The following HS3ST1 variants were observed in gnomAD, a reference collection of about 807,000 sequenced individuals.
HS3ST1 encodes heparan sulfate glucosamine 3-O-sulfotransferase 1.
Under a neutral mutation model 20.7 loss-of-function variants are expected in HS3ST1, and 8 were observed. The observed-to-expected ratio is 0.39, with a 90% CI of 0.23 to 0.70. HS3ST1 has a LOEUF of 0.70. HS3ST1 is among the 30% of genes least tolerant of loss of function. The probability of loss-of-function intolerance (pLI) is 0.46; values close to 1 mark genes in which losing one functional copy is unlikely to be tolerated. For missense variants in HS3ST1, 436 were observed against 423.4 expected (o/e 1.03, Z -0.26); for synonymous variants, 205 against 190.4 (o/e 1.08, Z -0.63).
chr4:11,402,399 G>T (rs1193853837), intron 1 of HS3ST1, among the ~76,000 whole-genome samples: 2 of 152,140 alleles, frequency 1.3e-5, no homozygotes, highest in Non-Finnish European at 2.9e-5. Context: ...AATTTAACAG[G>T]CCAATTTTTT....
chr4:11,402,261 C>T (rs575596889), intron 1 of HS3ST1, among the ~76,000 whole-genome samples: 1 of 152,262 alleles, frequency 6.6e-6, no homozygotes, highest in Non-Finnish European at 1.5e-5. Flanking sequence ...TTTTAGAGAA[C>T]CACAGTGCAC....
chr4:11,397,408 G>C lies in HS3ST1; in HGVS notation c.*1674C>G, dbSNP rs1718172182. The C allele has an allele frequency of 6.6e-6, 1 of 152,300 alleles. No individual in the cohort carries two copies. The highest frequency in any genetic ancestry group is 1.5e-5 in the Non-Finnish European group (1 of 68,134). 9.4% of individuals were successfully genotyped at this position (152,300 alleles called of 1,614,324 possible). On this transcript the variant is annotated 3_prime_UTR_variant, in exon 2 of 2. Coordinates refer to ENST00000002596, the MANE Select transcript of HS3ST1 (RefSeq NM_005114.4). ...GATAACACTGCTGAGAAAAATGCAG[G>C]CTTCTTCTTGCCCTTCCTGTATCTG...
Position 11,415,764 on chromosome 4 carries a change from G to T in HS3ST1, c.-109+12935C>A, listed in dbSNP as rs16881540. On this transcript the variant is annotated intron_variant, in intron 1 of 1. Coordinates refer to ENST00000002596, the MANE Select transcript of HS3ST1 (RefSeq NM_005114.4). ...TCATAAGATAATTAGCCTTTGTGCT[G>T]CCTTTAGCAGAGAACCTTAAGAACT... is the stretch of plus-strand genomic sequence containing the variant. 8.9e-3 allele frequency among the ~76,000 whole-genome samples: 1,357 copies of T among 152,316 alleles called. 19 individuals are homozygous for T. Among genetic ancestry groups the T allele is most frequent in the African/African-American group, 0.031 (1,309 of 41,562 alleles).
Position 11,399,783 on chromosome 4 carries a change from T to C in HS3ST1, c.223A>G (p.Ser75Gly), listed in dbSNP as rs1718267415. 1.9e-6 allele frequency: 3 copies of C among 1,613,470 alleles called. No homozygotes were observed. In the African/African-American group the frequency reaches 4.0e-5, roughly 22 times the overall value. Residue 75 changes from serine to glycine, a missense_variant, in exon 2 of 2, where the codon AGC becomes GGC. Ser to Gly is a moderately conservative substitution (Grantham distance 56). Coordinates refer to ENST00000002596, the MANE Select transcript of HS3ST1 (RefSeq NM_005114.4). The surrounding 1 kb of genome is among the most constrained non-coding windows in gnomAD (Gnocchi z 5.1). ...GCGGCCGCCACGTCGGGGTGCAGGC[T>C]GAGCATCTCCAGCAGTGCGCGCGTG... ...GGTRALLEMLSLHPDVAAAEN... is the reference protein window; with the variant it reads ...GGTRALLEMLGLHPDVAAAEN...
At chr4:11,409,442 C>T (rs1307542475) in intron 1 of HS3ST1, among the ~76,000 whole-genome samples, 1 of 150,058 alleles carries the variant, frequency 6.7e-6, no homozygotes, top group Non-Finnish European at 1.5e-5. Flanking sequence ...AAGGGTGGGG[C>T]TCCATTCTGA....
In HS3ST1 at chr4:11,427,202, C is replaced by T. The variant is rs998894134; in HGVS notation, c.-109+1497G>A. Among the ~76,000 whole-genome samples, 29 of 152,232 alleles carry T rather than the reference C, an allele frequency of 1.9e-4. 1 individual carries two copies. Among genetic ancestry groups the T allele is most frequent in the Admixed American group, 1.6e-3 (25 of 15,270 alleles). On this transcript the variant is annotated intron_variant, in intron 1 of 1. Transcript: ENST00000002596. ...GATTTGCCTGCAAAGCGAGAACGCACGGGTGGGAATGAAGGATCCTGCCTG... is the reference window on the plus strand; with the variant it reads ...GATTTGCCTGCAAAGCGAGAACGCATGGGTGGGAATGAAGGATCCTGCCTG...
intron 1 of HS3ST1, among the ~76,000 whole-genome samples, chr4:11,416,985 A>G (rs942409613): frequency 1.3e-5 from 2 of 152,192 alleles, no homozygotes; most frequent in Non-Finnish European, 2.9e-5. Flanking sequence ...AGGGGTGTGA[A>G]TGCTCACATT....
At chr4:11,413,517 T>C (rs1401868235) in intron 1 of HS3ST1, among the ~76,000 whole-genome samples, 1 of 151,950 alleles carries the variant, frequency 6.6e-6, no homozygotes, top group Non-Finnish European at 1.5e-5. Context: ...AGTATCAGGG[T>C]TTGAGAGTAT....
At chr4:11,408,185 C>G (rs773547935) in intron 1 of HS3ST1, among the ~76,000 whole-genome samples, 31 of 152,246 alleles carry the variant, frequency 2.0e-4, no homozygotes, top group Middle Eastern at 3.4e-3. Context: ...TTGAAATCTG[C>G]AAGACAGCCC....
chr4:11,427,511 A>G (rs1191807713), intron 1 of HS3ST1, among the ~76,000 whole-genome samples: 1 of 152,202 alleles, frequency 6.6e-6, no homozygotes, highest in Non-Finnish European at 1.5e-5. Flanking sequence ...TGGCCTCCCT[A>G]GAATCCCCCC....
intron 1 of HS3ST1, among the ~76,000 whole-genome samples, chr4:11,402,856 G>T (rs1718362229): frequency 6.6e-6 from 1 of 152,216 alleles, no homozygotes; most frequent in South Asian, 2.1e-4. Context: ...TTTCCTGAAG[G>T]AGAATTACCA....
At position 11,399,746 on chromosome 4, in the gene HS3ST1, A is replaced by C. The variant is rs1577435316; in HGVS notation, c.260T>G (p.Val87Gly). 6.2e-7 allele frequency: 1 copy of C among 1,613,722 alleles called. No homozygotes were observed. The highest frequency in any genetic ancestry group is 8.5e-7 in the Non-Finnish European group (1 of 1,180,022). Residue 87 changes from valine to glycine, a missense_variant, in exon 2 of 2, where the codon GTC becomes GGC. Transcript: ENST00000002596. This position sits in a 1 kb window ranked among gnomAD's most constrained non-coding sequence, Gnocchi z 5.1. The stretch of plus-strand genomic sequence containing the variant: ...ATGCTCCTCCCAGTCGAAGAAGTGG[A>C]CCTCGTTCTCCGCGGCCGCCACGTC... The part of the protein sequence containing the change: ...HPDVAAAENE[V>G]HFFDWEEHYS...
At chr4:11,423,601 G>C (rs1462461700) in intron 1 of HS3ST1, among the ~76,000 whole-genome samples, 2 of 152,144 alleles carry the variant, frequency 1.3e-5, no homozygotes, top group African/African-American at 4.8e-5. Flanking sequence ...CAAGGGCGAG[G>C]ACTTCCATCT....
chr4:11,426,482 C>T (rs1719064949), intron 1 of HS3ST1, among the ~76,000 whole-genome samples: 1 of 151,960 alleles, frequency 6.6e-6, no homozygotes, highest in African/African-American at 2.4e-5. Flanking sequence ...TCATTCTAGA[C>T]ATAACCACAG....
intron 1 of HS3ST1, among the ~76,000 whole-genome samples, chr4:11,420,540 C>T (rs766744599): frequency 1.3e-5 from 2 of 152,190 alleles, no homozygotes; most frequent in Admixed American, 6.5e-5. Context: ...CCTACAGTAA[C>T]GAGCTTGGAG....
At chr4:11,415,211 A>G (rs1362272056) in intron 1 of HS3ST1, among the ~76,000 whole-genome samples, 2 of 152,244 alleles carry the variant, frequency 1.3e-5, no homozygotes, top group Non-Finnish European at 2.9e-5. Flanking sequence ...ATAGGGAAAC[A>G]GAGAAATAAA....
upstream of HS3ST1, among the ~76,000 whole-genome samples, chr4:11,434,159 C>T (rs1711532172): frequency 6.6e-6 from 1 of 152,174 alleles, no homozygotes; most frequent in Non-Finnish European, 1.5e-5. Context: ...TTTCCATAGA[C>T]TTTGGAACAC....
upstream of HS3ST1, among the ~76,000 whole-genome samples, chr4:11,430,082 G>T (rs555754971): frequency 6.6e-6 from 1 of 152,052 alleles, no homozygotes; most frequent in Non-Finnish European, 1.5e-5. Flanking sequence ...CTAAGAGAAG[G>T]TTCCTATAGG....
intron 1 of HS3ST1, among the ~76,000 whole-genome samples, chr4:11,404,737 G>T (rs1356359911): frequency 2.0e-5 from 3 of 152,196 alleles, no homozygotes; most frequent in Non-Finnish European, 2.9e-5. Context: ...GCTGATGTGG[G>T]CATGGATACA....
Sources: allele counts gnomAD v4.1 joint callset (sites outside exome capture counted in the v4.1 genomes callset), GRCh38; gene constraint gnomAD v4.1.1; non-coding constraint Gnocchi (gnomAD v3.1); transcripts MANE v1.5; gene names NCBI Gene and HGNC (gene_info 2026-07-23, HGNC 2026-07-21).